Variants in EXOC3L2 observed in about 807,000 individuals in gnomAD.
EXOC3L2 encodes the protein exocyst complex component 3 like 2.
In EXOC3L2, 17 loss-of-function variants were observed where a neutral mutation model predicts 44.4. That is an observed-to-expected ratio of 0.38 (90% CI 0.26 to 0.57). The LOEUF (loss-of-function observed/expected upper bound fraction) is 0.57, where lower values mean the gene tolerates loss of function less well. EXOC3L2 is among the 20% of genes least tolerant of loss of function. The pLI is 0.65. For synonymous variants in EXOC3L2, 256 were observed against 253.7 expected (o/e 1.01, Z -0.09); for missense variants, 541 against 588.4 (o/e 0.92, Z 0.83).
intron 11 of EXOC3L2, among the ~76,000 whole-genome samples, chr19:45,213,666 T>A (rs1262558464): frequency 2.0e-5 from 3 of 152,022 alleles, no homozygotes; most frequent in African/African-American, 7.2e-5. Context: ...CCTTCTCAGC[T>A]GGGTGCCGTG....
chr19:45,221,656 T>C (rs1453164811), intron 8 of EXOC3L2, among the ~76,000 whole-genome samples: 2 of 149,728 alleles, frequency 1.3e-5, no homozygotes, highest in Non-Finnish European at 3.0e-5. Context: ...TTTTTTTTTT[T>C]TTTTTTTTTG....
chr19:45,215,343 T>C (rs1367942829), intron 11 of EXOC3L2, among the ~76,000 whole-genome samples: 3 of 151,938 alleles, frequency 2.0e-5, no homozygotes, highest in African/African-American at 7.3e-5. Context: ...TTGTGGTGCA[T>C]GCCTGTGGTC....
At chr19:45,219,832 T>C (rs1353384988) in intron 8 of EXOC3L2, among the ~76,000 whole-genome samples, 1 of 152,074 alleles carries the variant, frequency 6.6e-6, no homozygotes, top group Admixed American at 6.6e-5. Context: ...ATGAATTGAG[T>C]TCACCATTTT....
intron 11 of EXOC3L2, 87 bp from the exon 12 acceptor site, chr19:45,213,444 C>CA: frequency 6.6e-7 from 1 of 1,519,674 alleles, no homozygotes; most frequent in Non-Finnish European, 8.9e-7. Flanking sequence ...CTGACCCCCT[C>CA]ACCTATCCCA....
At chr19:45,220,017 CA>C (rs1943377438) in intron 8 of EXOC3L2, among the ~76,000 whole-genome samples, 1 of 151,848 alleles carries the variant, frequency 6.6e-6, no homozygotes, top group East Asian at 1.9e-4. Flanking sequence ...ACTAAAAATA[CA>C]AAAAATTAGC....
chr19:45,218,059 C>T, intron 9 of EXOC3L2, 138 bp downstream of exon 9: 1 of 1,243,232 alleles, frequency 8.0e-7, no homozygotes, highest in Non-Finnish European at 1.1e-6. Context: ...AGCCGCTCCC[C>T]ACCTTAGAGG....
At chr19:45,215,448 G>A (rs2122952878) in intron 11 of EXOC3L2, among the ~76,000 whole-genome samples, 1 of 151,892 alleles carries the variant, frequency 6.6e-6, no homozygotes, top group East Asian at 1.9e-4. Context: ...TCCAGCCAGG[G>A]AAACAGAGTG....
At chr19:45,243,850 G>A (rs1269028551) in intron 1 of EXOC3L2, among the ~76,000 whole-genome samples, 1 of 151,768 alleles carries the variant, frequency 6.6e-6, no homozygotes, top group East Asian at 1.9e-4. Context: ...GGCTGGTCTC[G>A]AACTCCTGAC....
intron 2 of EXOC3L2, among the ~76,000 whole-genome samples, chr19:45,235,039 G>T (rs1970070135): frequency 6.6e-6 from 1 of 152,126 alleles, no homozygotes; most frequent in South Asian, 2.1e-4. Context: ...AGGGGCTCAT[G>T]CTTGTAATCC....
intron 2 of EXOC3L2, among the ~76,000 whole-genome samples, chr19:45,237,938 G>T (rs947834037): frequency 1.3e-5 from 2 of 152,106 alleles, no homozygotes; most frequent in African/African-American, 2.4e-5. Context: ...GAGGTCAGGA[G>T]TTTGAGACCA....
intron 1 of EXOC3L2, among the ~76,000 whole-genome samples, chr19:45,241,700 G>A (rs1281521201): frequency 6.6e-6 from 1 of 152,124 alleles, no homozygotes; most frequent in African/African-American, 2.4e-5. Context: ...ATAGACGCCT[G>A]TTCTCCATGC....
chr19:45,232,051 C>T (rs1970037611), intron 3 of EXOC3L2, among the ~76,000 whole-genome samples, 177 bp from the exon 4 acceptor site: 1 of 152,164 alleles, frequency 6.6e-6, no homozygotes, highest in African/African-American at 2.4e-5. Flanking sequence ...TCCCCGGCTC[C>T]AGCTCTCTGA....
chr19:45,228,261 C>G lies in EXOC3L2; in HGVS notation c.1275G>C (p.Gln425His). The G allele has an allele frequency of 3.1e-6, 5 of 1,614,012 alleles. No homozygotes were observed. Among genetic ancestry groups the G allele is most frequent in the Middle Eastern group, 1.7e-4 (1 of 6,058 alleles). ...EDECVTDVKA[Q>H]TRAALLRVLQ... Reference sequence around the variant, plus strand: ...GCACACGGAGAAGGGCAGCCCGGGTCTGAGCCTACAGTAGGGAGAGGGGAG... The same window carrying G: ...GCACACGGAGAAGGGCAGCCCGGGTGTGAGCCTACAGTAGGGAGAGGGGAG... The change falls in exon 5 of 12, where the codon CAG (glutamine) becomes CAC (histidine). Residue 425 changes from glutamine to histidine, a missense_variant. Gln to His is a conservative substitution (Grantham distance 24). Coordinates refer to ENST00000413988, the MANE Select transcript of EXOC3L2 (RefSeq NM_001382422.1).
chr19:45,233,750 T>A (rs1479649270), intron 3 of EXOC3L2, among the ~76,000 whole-genome samples: 1 of 152,186 alleles, frequency 6.6e-6, no homozygotes, highest in Non-Finnish European at 1.5e-5. Context: ...GGAGTGTAAC[T>A]GTCGATGATG....
In EXOC3L2 at chr19:45,224,859, C is replaced by T; in HGVS notation, c.1638G>A (p.Arg546=). 6.3e-7 allele frequency: 1 copy of T among 1,584,702 alleles called. No individual in the cohort carries two copies. Among genetic ancestry groups the T allele is most frequent in the South Asian group, 1.1e-5 (1 of 87,732 alleles). ...GGTCCAGAGCACTAGCAGATGCTTC[C>T]CGGGCCGGCTCGCTTTCTGGGGGCC... ...RVGPPESEPA[R]EASASALDHV... The change falls in exon 8 of 12, where the codon CGG becomes CGA. Residue 546 remains arginine (R), a synonymous_variant. Transcript: ENST00000413988.
At chr19:45,221,128 C>T (rs563657764) in intron 8 of EXOC3L2, among the ~76,000 whole-genome samples, 9 of 151,948 alleles carry the variant, frequency 5.9e-5, no homozygotes, top group East Asian at 1.9e-4. Context: ...CATGGGAGGG[C>T]GTCTAATTCC....
chr19:45,233,554 G>GT (rs1970051907), intron 3 of EXOC3L2, among the ~76,000 whole-genome samples: 1 of 152,246 alleles, frequency 6.6e-6, no homozygotes, highest in Admixed American at 6.5e-5. Context: ...TTCTAGTAGC[G>GT]TAAGTGTCAT....
chr19:45,240,238 G>A (rs1372714465), intron 1 of EXOC3L2, among the ~76,000 whole-genome samples: 1 of 151,218 alleles, frequency 6.6e-6, no homozygotes. Context: ...CTCAGCAGCT[G>A]GGACTACAGG....
At chr19:45,218,080 A>T in intron 9 of EXOC3L2, 117 bp downstream of exon 9, 1 of 1,351,258 alleles carries the variant, frequency 7.4e-7, no homozygotes. Flanking sequence ...GGTTTCCTCC[A>T]GCAGGAGCGT....
Sources: gnomAD v4.1 joint callset for allele counts (sites outside exome capture counted in the v4.1 genomes callset) on GRCh38, gnomAD v4.1.1 for gene constraint, MANE v1.5 for transcripts, NCBI Gene and HGNC (gene_info 2026-07-23, HGNC 2026-07-21) for gene names.